GPC5: variants seen among roughly 807,000 people sequenced by gnomAD.
GPC5 encodes glypican 5.
GPC5 carries 47 observed loss-of-function variants against 53.9 expected under a neutral mutation model. The observed-to-expected ratio is 0.87, with a 90% CI of 0.69 to 1.11. The LOEUF (loss-of-function observed/expected upper bound fraction) is 1.11. Among genes scored for constraint, GPC5 ranks in the 50% most tolerant of loss-of-function variants. GPC5 has a pLI of 0.00. For missense variants in GPC5, 748 were observed against 713.1 expected (o/e 1.05, Z -0.56); for synonymous variants, 286 against 263.3 (o/e 1.09, Z -0.84).
intron 7 of GPC5, among the ~76,000 whole-genome samples, chr13:92,256,560 A>G (rs1049009933): frequency 6.6e-6 from 1 of 151,956 alleles, no homozygotes; most frequent in Non-Finnish European, 1.5e-5. Flanking sequence ...TTTTTTATTT[A>G]TAATTTTTAA....
intron 7 of GPC5, among the ~76,000 whole-genome samples, chr13:92,390,985 A>C (rs1388183224): frequency 1.3e-5 from 2 of 152,140 alleles, no homozygotes; most frequent in African/African-American, 4.8e-5. Context: ...GTTTCACTTC[A>C]AAATGTAGAG....
chr13:91,645,068 A>G (rs1335462031), intron 2 of GPC5, among the ~76,000 whole-genome samples: 2 of 152,214 alleles, frequency 1.3e-5, no homozygotes, highest in African/African-American at 4.8e-5. Context: ...CTTTGCTTTC[A>G]TTTCCTGGCT....
intron 6 of GPC5, among the ~76,000 whole-genome samples, chr13:91,958,744 T>C (rs1165002689): frequency 2.0e-5 from 3 of 151,906 alleles, no homozygotes; most frequent in Non-Finnish European, 4.4e-5. Flanking sequence ...ACTGTACAAA[T>C]ACATGGAAAT....
At chr13:92,858,751 A>G (rs1879088425) in intron 7 of GPC5, among the ~76,000 whole-genome samples, 1 of 152,114 alleles carries the variant, frequency 6.6e-6, no homozygotes, top group African/African-American at 2.4e-5. Flanking sequence ...CCAAGCCTCA[A>G]TATCACATAA....
intron 7 of GPC5, among the ~76,000 whole-genome samples, chr13:92,167,522 ATAT>A (rs1468487010): frequency 6.6e-6 from 1 of 152,230 alleles, no homozygotes; most frequent in African/African-American, 2.4e-5. Flanking sequence ...GTATGAAGAG[ATAT>A]TATACAAATG....
chr13:92,662,167 A>G (rs755799639), intron 7 of GPC5, among the ~76,000 whole-genome samples: 28 of 152,056 alleles, frequency 1.8e-4, no homozygotes, highest in Non-Finnish European at 3.5e-4. Flanking sequence ...TCAACTCCCA[A>G]TGTGTTTAGA....
chr13:92,150,395 T>G (rs1442870016), intron 7 of GPC5, among the ~76,000 whole-genome samples: 1 of 152,024 alleles, frequency 6.6e-6, no homozygotes, highest in East Asian at 1.9e-4. Context: ...AAAATTATAC[T>G]AAAGAGAAAT....
intron 6 of GPC5, among the ~76,000 whole-genome samples, chr13:92,080,358 C>T (rs1341732105): frequency 6.6e-6 from 1 of 152,144 alleles, no homozygotes; most frequent in Admixed American, 6.5e-5. Flanking sequence ...TGCTCAGCTC[C>T]AGACATGTGT....
At chr13:91,572,107 A>G (rs2031908599) in intron 2 of GPC5, among the ~76,000 whole-genome samples, 1 of 130,814 alleles carries the variant, frequency 7.6e-6, no homozygotes, top group Admixed American at 7.5e-5. Flanking sequence ...GTGTATATAC[A>G]CACATGTATA....
At chr13:91,821,002 T>C (rs1173362059) in intron 5 of GPC5, among the ~76,000 whole-genome samples, 2 of 151,438 alleles carry the variant, frequency 1.3e-5, no homozygotes, top group Admixed American at 6.6e-5. Context: ...AAAAAAAGAA[T>C]GTACTTCCAG....
Position 91,731,044 on chromosome 13 carries a change from G to A in GPC5, c.1154+2379G>A, listed in dbSNP as rs562205569. On this transcript the variant is annotated intron_variant, in intron 4 of 7. Coordinates refer to ENST00000377067, the MANE Select transcript of GPC5 (RefSeq NM_004466.6). Reference sequence around the variant, plus strand: ...TCCCACAGGATATCTAGACAATCAAGGCTCCTGTCTACCATGGACTGGGAA... The same window carrying A: ...TCCCACAGGATATCTAGACAATCAAAGCTCCTGTCTACCATGGACTGGGAA... Among the ~76,000 whole-genome samples the A allele has an allele frequency of 3.1e-4, 47 of 152,304 alleles. 1 individual carries two copies. The highest frequency in any genetic ancestry group is 1.1e-3 in the African/African-American group (44 of 41,566).
Position 91,904,081 on chromosome 13 carries a change from A to G in GPC5, c.1281-3856A>G, listed in dbSNP as rs549493895. Among the ~76,000 whole-genome samples, 55 of 150,564 alleles carry G rather than the reference A, an allele frequency of 3.7e-4. No homozygotes were observed. In the South Asian group the frequency reaches 6.5e-3, roughly 18 times the overall value. ...GTTATATTACTGTTTAGCTGGTTACATGCAACCATTTGTTGAGGAGGATTG... is the reference window on the plus strand; with the variant it reads ...GTTATATTACTGTTTAGCTGGTTACGTGCAACCATTTGTTGAGGAGGATTG... On this transcript the variant is annotated intron_variant, in intron 5 of 7. Transcript: ENST00000377067.
chr13:92,286,847 C>T (rs1181154217), intron 7 of GPC5, among the ~76,000 whole-genome samples: 1 of 151,988 alleles, frequency 6.6e-6, no homozygotes, highest in Non-Finnish European at 1.5e-5. Context: ...AACAAACCTG[C>T]ACATTGTGCA....
At chr13:92,647,375 G>A (rs949759694) in intron 7 of GPC5, among the ~76,000 whole-genome samples, 11 of 152,112 alleles carry the variant, frequency 7.2e-5, no homozygotes, top group African/African-American at 2.4e-4. Flanking sequence ...GTGCTTCGAT[G>A]TCAGTGCTCC....
At chr13:91,422,342 A>C (rs1265528778) in intron 1 of GPC5, among the ~76,000 whole-genome samples, 4 of 152,218 alleles carry the variant, frequency 2.6e-5, no homozygotes, top group Non-Finnish European at 5.9e-5. Flanking sequence ...ATTTATAAAG[A>C]AAACACATTT....
intron 7 of GPC5, among the ~76,000 whole-genome samples, chr13:92,643,321 A>G (rs555004962): frequency 1.3e-5 from 2 of 152,162 alleles, no homozygotes; most frequent in Non-Finnish European, 2.9e-5. Flanking sequence ...CTGAATGGTA[A>G]TGCCTCAGGG....
intron 7 of GPC5, among the ~76,000 whole-genome samples, chr13:92,760,242 G>C (rs1418438355): frequency 3.9e-5 from 6 of 152,094 alleles, no homozygotes. Flanking sequence ...CTTTGGAGGA[G>C]TTAAAGAAAT....
At chr13:92,777,449 A>ACGAGGTCAAGAGAT (rs1183214043) in intron 7 of GPC5, among the ~76,000 whole-genome samples, 3 of 151,964 alleles carry the variant, frequency 2.0e-5, no homozygotes, top group African/African-American at 7.2e-5. Context: ...CCTGGCCATC[A>ACGAGGTCAAGAGAT]TGGTAAAACC....
chr13:92,207,580 A>G (rs1045326433), intron 7 of GPC5, among the ~76,000 whole-genome samples: 1 of 152,248 alleles, frequency 6.6e-6, no homozygotes, highest in African/African-American at 2.4e-5. Context: ...GAATCTGTCT[A>G]TTGAGAAACC....
Sources: gnomAD v4.1 joint callset for allele counts (sites outside exome capture counted in the v4.1 genomes callset) on GRCh38, gnomAD v4.1.1 for gene constraint, MANE v1.5 for transcripts, NCBI Gene and HGNC (gene_info 2026-07-23, HGNC 2026-07-21) for gene names.